Variants in SIPA1L3 observed in about 807,000 individuals in gnomAD.
SIPA1L3 encodes signal induced proliferation associated 1 like 3.
Under a neutral mutation model 150.1 loss-of-function variants are expected in SIPA1L3, and 59 were observed. The ratio of observed to expected loss-of-function variants is 0.39; its 90% CI spans 0.32 to 0.49. The LOEUF (loss-of-function observed/expected upper bound fraction) is 0.49, where lower values mean the gene tolerates loss of function less well. Among genes scored for constraint, SIPA1L3 ranks in the 20% least tolerant of loss-of-function variants. The pLI is 0.86. For missense variants in SIPA1L3, 2,211 were observed against 2,489.5 expected, an observed-to-expected ratio of 0.89 and a Z score of 2.38; for synonymous variants, 1,070 against 1,077.6, an observed-to-expected ratio of 0.99 and a Z score of 0.14.
chr19:37,908,675 C>T (rs899618198), intron 1 of SIPA1L3, among the ~76,000 whole-genome samples: 2 of 151,864 alleles, frequency 1.3e-5, no homozygotes, highest in Admixed American at 6.6e-5. Context: ...AGAGTGAGCA[C>T]AAAGTTAGTG....
chr19:38,171,940 G>C (rs1432338481), intron 15 of SIPA1L3, among the ~76,000 whole-genome samples: 1 of 152,108 alleles, frequency 6.6e-6, no homozygotes, highest in Non-Finnish European at 1.5e-5. Context: ...CCAATGGGAG[G>C]TTGGGGAAAT....
chr19:38,079,583 A>C (rs1600023354), intron 2 of SIPA1L3, among the ~76,000 whole-genome samples: 1 of 138,920 alleles, frequency 7.2e-6, no homozygotes, highest in African/African-American at 2.7e-5. Flanking sequence ...TTGAGATAGG[A>C]TCTCGCTTTG....
At chr19:38,059,311 ATTTTTTTT>A (rs35717284) in intron 2 of SIPA1L3, among the ~76,000 whole-genome samples, 2 of 113,930 alleles carry the variant, frequency 1.8e-5, no homozygotes, top group South Asian at 5.5e-4. Flanking sequence ...AACAGCTGAG[ATTTTTTTT>A]TTTTTTTTTT....
At chr19:38,155,304 G>C (rs1971918902) in intron 13 of SIPA1L3, among the ~76,000 whole-genome samples, 1 of 151,770 alleles carries the variant, frequency 6.6e-6, no homozygotes, top group Admixed American at 6.6e-5. Flanking sequence ...TCAAACTCCT[G>C]GGCTCAGGTG....
chr19:38,048,052 C>T (rs1203512203), intron 2 of SIPA1L3, among the ~76,000 whole-genome samples: 3 of 152,146 alleles, frequency 2.0e-5, no homozygotes, highest in African/African-American at 7.2e-5. Flanking sequence ...AGGGGACATG[C>T]AGCCTGGGTG....
chr19:37,927,745 T>C (rs1026190426), intron 1 of SIPA1L3, among the ~76,000 whole-genome samples: 2 of 151,918 alleles, frequency 1.3e-5, no homozygotes, highest in African/African-American at 2.4e-5. Flanking sequence ...TGTGTGTGTG[T>C]GTACGTGTAC....
intron 18 of SIPA1L3, among the ~76,000 whole-genome samples, chr19:38,195,885 G>A (rs1041763843): frequency 6.7e-6 from 1 of 149,496 alleles, no homozygotes; most frequent in African/African-American, 2.5e-5. Flanking sequence ...CACTAGATGA[G>A]AATGTGTCTG....
intron 9 of SIPA1L3, among the ~76,000 whole-genome samples, chr19:38,122,675 G>A (rs1971048228): frequency 1.3e-5 from 2 of 152,158 alleles, no homozygotes; most frequent in South Asian, 4.1e-4. Flanking sequence ...CTGGCTCCCT[G>A]TCGACTTCTC....
At chr19:38,092,852 ATTTTTT>A (rs56232582) in intron 4 of SIPA1L3, among the ~76,000 whole-genome samples, 1 of 115,952 alleles carries the variant, frequency 8.6e-6, no homozygotes, top group Admixed American at 9.8e-5. Context: ...AGGTGCTTAG[ATTTTTT>A]TTTTTTTTTT....
intron 1 of SIPA1L3, among the ~76,000 whole-genome samples, chr19:37,970,957 A>G (rs1228689312): frequency 6.6e-6 from 1 of 152,070 alleles, no homozygotes; most frequent in Non-Finnish European, 1.5e-5. Flanking sequence ...CATGGTCCAG[A>G]ATGATTCTCC....
intron 14 of SIPA1L3, among the ~76,000 whole-genome samples, chr19:38,162,756 G>T (rs10412865): frequency 0.15 from 22,556 of 152,204 alleles, 1,773 homozygotes; most frequent in African/African-American, 0.19. Flanking sequence ...CAGAGCCCAG[G>T]CTCCCTCCCT....
chr19:38,078,511 T>C (rs1279228178), intron 2 of SIPA1L3, among the ~76,000 whole-genome samples: 3 of 106,070 alleles, frequency 2.8e-5, no homozygotes, highest in African/African-American at 3.9e-5. Flanking sequence ...CACACAGACA[T>C]GCACACACAC....
intron 8 of SIPA1L3, among the ~76,000 whole-genome samples, chr19:38,111,321 C>G (rs1310796725): frequency 5.9e-5 from 9 of 152,030 alleles, no homozygotes; most frequent in Admixed American, 5.9e-4. Flanking sequence ...TGTGAGCCAC[C>G]GCACACAGCT....
At chr19:38,168,023 C>A (rs1972247390) in intron 15 of SIPA1L3, among the ~76,000 whole-genome samples, 1 of 152,140 alleles carries the variant, frequency 6.6e-6, no homozygotes, top group African/African-American at 2.4e-5. Flanking sequence ...TGGATGAGGC[C>A]TCCCCACCGC....
intron 1 of SIPA1L3, among the ~76,000 whole-genome samples, chr19:37,926,123 A>G (rs1279016051): frequency 1.3e-5 from 2 of 149,134 alleles, no homozygotes; most frequent in Non-Finnish European, 3.0e-5. Flanking sequence ...TGGCAATTTT[A>G]TGAGGTTCAG....
intron 1 of SIPA1L3, among the ~76,000 whole-genome samples, chr19:37,909,924 A>G (rs549703064): frequency 6.6e-6 from 1 of 152,110 alleles, no homozygotes; most frequent in Admixed American, 6.6e-5. Context: ...GTGATGGCCA[A>G]CAAATTTACC....
intron 1 of SIPA1L3, among the ~76,000 whole-genome samples, chr19:37,928,764 A>G (rs1285101212): frequency 6.6e-6 from 1 of 152,204 alleles, no homozygotes; most frequent in Non-Finnish European, 1.5e-5. Context: ...AGCTACTGTA[A>G]TAGGAAGCCC....
chr19:38,201,584 ACT>A (rs1973088350), intron 19 of SIPA1L3, among the ~76,000 whole-genome samples: 1 of 151,970 alleles, frequency 6.6e-6, no homozygotes, highest in African/African-American at 2.4e-5. Context: ...GCTAGCTCGC[ACT>A]CTCATCTAAC....
chr19:38,153,277 A>G (rs1353174641), intron 13 of SIPA1L3, among the ~76,000 whole-genome samples: 1 of 152,208 alleles, frequency 6.6e-6, no homozygotes, highest in Non-Finnish European at 1.5e-5. Context: ...AAGATTAAGC[A>G]TTGAGCTCTC....
Sources: allele counts gnomAD v4.1 joint callset (sites outside exome capture counted in the v4.1 genomes callset), GRCh38; gene constraint gnomAD v4.1.1; transcripts MANE v1.5; gene names NCBI Gene and HGNC (gene_info 2026-07-23, HGNC 2026-07-21).